The following WRN variants were observed in gnomAD, a reference collection of about 807,000 sequenced individuals.
WRN encodes the protein bifunctional 3'-5' exonuclease/ATP-dependent helicase WRN.
Under a neutral mutation model 180.7 loss-of-function variants are expected in WRN, and 149 were observed. The ratio of observed to expected loss-of-function variants is 0.82; its 90% CI spans 0.72 to 0.94. The LOEUF is 0.94. Among genes scored for constraint, WRN ranks in the 40% least tolerant of loss-of-function variants. The pLI, the probability that WRN is intolerant of heterozygous loss-of-function variation, is 0.00. For missense variants in WRN, 1,661 were observed against 1,700.1 expected (o/e 0.98, Z 0.40); for synonymous variants, 548 against 568.9 (o/e 0.96, Z 0.52).
Position 31,142,620 on chromosome 8 carries a change from T to G in WRN, c.3234-6T>G. 1 of 1,587,328 alleles carries G rather than the reference T, an allele frequency of 6.3e-7. No homozygotes were observed. Among genetic ancestry groups the G allele is most frequent in the Non-Finnish European group, 8.6e-7 (1 of 1,166,578 alleles). The stretch of plus-strand genomic sequence containing the variant: ...TTTGAAATAATTTAATTTTATTATT[T>G]TTTAGTTCGAAAACTGTATCTTCGG... On this transcript the variant is annotated splice_polypyrimidine_tract_variant and splice_region_variant and intron_variant, in intron 26 of 34. Transcript: ENST00000298139.
intron 8 of WRN, among the ~76,000 whole-genome samples, chr8:31,079,362 A>G (rs1221342241): frequency 6.6e-6 from 1 of 152,218 alleles, no homozygotes; most frequent in Non-Finnish European, 1.5e-5. Context: ...TTTATTAAGC[A>G]TGGATTTTAA....
chr8:31,160,222 G>A (rs1803558737), intron 33 of WRN, among the ~76,000 whole-genome samples: 1 of 152,190 alleles, frequency 6.6e-6, no homozygotes, highest in Non-Finnish European at 1.5e-5. Flanking sequence ...CTGTATGTAA[G>A]GAATGGACGT....
chr8:31,147,884 A>ATTT (rs367782924), intron 30 of WRN, among the ~76,000 whole-genome samples: 27,661 of 126,640 alleles, frequency 0.22, 3,322 homozygotes, highest in South Asian at 0.28. Flanking sequence ...CTTCTTCTTC[A>ATTT]TTTTTTTTTT....
chr8:31,035,868 A>G (rs1408141047), intron 1 of WRN, among the ~76,000 whole-genome samples: 1 of 152,212 alleles, frequency 6.6e-6, no homozygotes, highest in East Asian at 1.9e-4. Flanking sequence ...TACCCAAAAG[A>G]GAATCTCCAT....
At chr8:31,062,051 G>T (rs1812505625) in intron 3 of WRN, among the ~76,000 whole-genome samples, 1 of 152,106 alleles carries the variant, frequency 6.6e-6, no homozygotes, top group African/African-American at 2.4e-5. Context: ...CTCTCCTTGG[G>T]ATTCTTCTCC....
intron 24 of WRN, among the ~76,000 whole-genome samples, chr8:31,133,510 G>T (rs931304884): frequency 9.3e-5 from 14 of 151,196 alleles, no homozygotes; most frequent in African/African-American, 3.2e-4. Flanking sequence ...GCGCGACAGA[G>T]CAAGATTCTG....
intron 33 of WRN, among the ~76,000 whole-genome samples, chr8:31,157,871 G>T (rs1251495919): frequency 6.6e-6 from 1 of 152,024 alleles, no homozygotes; most frequent in African/African-American, 2.4e-5. Flanking sequence ...GGGACTACAG[G>T]CGTGTGCCAC....
At chr8:31,151,838 A>T (rs1327050246) in intron 31 of WRN, among the ~76,000 whole-genome samples, 1 of 151,896 alleles carries the variant, frequency 6.6e-6, no homozygotes, top group African/African-American at 2.4e-5. Flanking sequence ...GAATTATTTA[A>T]AAAAAAACAA....
At chr8:31,164,261 CATT>C (rs1484018436) in intron 33 of WRN, among the ~76,000 whole-genome samples, 2 of 152,062 alleles carry the variant, frequency 1.3e-5, no homozygotes, top group African/African-American at 2.4e-5. Flanking sequence ...CTGGAGAAAA[CATT>C]GTTGGATTAT....
At chr8:31,047,568 A>C (rs1170471795) in intron 1 of WRN, among the ~76,000 whole-genome samples, 1 of 152,158 alleles carries the variant, frequency 6.6e-6, no homozygotes, top group Non-Finnish European at 1.5e-5. Context: ...TCTTTACCTG[A>C]ATGAAATTTA....
intron 30 of WRN, among the ~76,000 whole-genome samples, chr8:31,149,179 C>CTTGACTT (rs1802991278): frequency 6.6e-6 from 1 of 151,914 alleles, no homozygotes; most frequent in Non-Finnish European, 1.5e-5. Flanking sequence ...GGGCGGATCA[C>CTTGACTT]GAGGTTAGGA....
chr8:31,152,360 A>G (rs1331770658), intron 31 of WRN, among the ~76,000 whole-genome samples: 5 of 152,042 alleles, frequency 3.3e-5, no homozygotes, highest in African/African-American at 4.8e-5. Flanking sequence ...ATGAACATGT[A>G]TGGCATAAAT....
intron 9 of WRN, among the ~76,000 whole-genome samples, chr8:31,082,869 A>AT (rs1392343148): frequency 2.6e-5 from 4 of 152,044 alleles, no homozygotes; most frequent in Admixed American, 1.3e-4. Context: ...AATTATTGCC[A>AT]TTTTTTTATT....
intron 28 of WRN, among the ~76,000 whole-genome samples, chr8:31,144,972 T>G (rs530035837): frequency 1.3e-5 from 2 of 152,212 alleles, no homozygotes; most frequent in Non-Finnish European, 2.9e-5. Context: ...TTCAATTCTC[T>G]GAAAGCTGAG....
chr8:31,076,936 G>A (rs1813115843), intron 8 of WRN, among the ~76,000 whole-genome samples: 1 of 152,150 alleles, frequency 6.6e-6, no homozygotes, highest in South Asian at 2.1e-4. Context: ...GGCCTTAATT[G>A]CAGGATGACT....
chr8:31,086,551 C>T (rs1020162591), intron 11 of WRN, among the ~76,000 whole-genome samples: 1 of 151,650 alleles, frequency 6.6e-6, no homozygotes, highest in Non-Finnish European at 1.5e-5. Flanking sequence ...GCACTCTAGC[C>T]TGGGTGACAG....
intron 23 of WRN, 103 bp from the exon 24 acceptor site, chr8:31,132,262 T>G: frequency 2.1e-6 from 3 of 1,395,534 alleles, no homozygotes; most frequent in Non-Finnish European, 2.9e-6. Context: ...AGTTGGCACA[T>G]TTGAGATATT....
At chr8:31,044,342 CTTTTTTTTTTTTT>C (rs34518426) in intron 1 of WRN, among the ~76,000 whole-genome samples, 4 of 68,314 alleles carry the variant, frequency 5.9e-5, no homozygotes, top group Non-Finnish European at 7.9e-5. Flanking sequence ...GCCCGACCTT[CTTTTTTTTTTTTT>C]TTTTTTTTTT....
Position 31,058,357 on chromosome 8 carries a change from A to G in WRN, c.-76-15A>G. On this transcript the variant is annotated splice_polypyrimidine_tract_variant and intron_variant, in intron 1 of 34. Coordinates refer to ENST00000298139, the MANE Select transcript of WRN (RefSeq NM_000553.6). ...ATGTTTGGTTTTCATTCATATTGACAGTACTACCTCTCAGTTTTCTTTCAG... is the reference window on the plus strand; with the variant it reads ...ATGTTTGGTTTTCATTCATATTGACGGTACTACCTCTCAGTTTTCTTTCAG... The G allele has an allele frequency of 2.8e-6, 3 of 1,057,544 alleles. No individual in the cohort carries two copies. Among genetic ancestry groups the G allele is most frequent in the Non-Finnish European group, 4.3e-6 (3 of 697,882 alleles). The allele number at this position is 1,057,544 out of a possible 1,614,324, so 65.5% of individuals were successfully genotyped here.
Sources: allele counts gnomAD v4.1 joint callset (sites outside exome capture counted in the v4.1 genomes callset), GRCh38; gene constraint gnomAD v4.1.1; transcripts MANE v1.5; gene names NCBI Gene and HGNC (gene_info 2026-07-23, HGNC 2026-07-21).